The following KIRREL1 variants were observed in gnomAD, a reference collection of about 807,000 sequenced individuals.
KIRREL1 encodes kirre like nephrin family adhesion molecule 1, also known as kin of IRRE-like protein 1.
In KIRREL1, 25 loss-of-function variants were observed where a neutral mutation model predicts 83.3. The ratio of observed to expected loss-of-function variants is 0.30; its 90% CI spans 0.22 to 0.42. The LOEUF (loss-of-function observed/expected upper bound fraction) is 0.42, where lower values mean the gene tolerates loss of function less well. KIRREL1 is among the 10% of genes least tolerant of loss of function. The pLI is 1.00. For synonymous variants in KIRREL1, 388 were observed against 410.4 expected (o/e 0.95, Z 0.66); for missense variants, 812 against 1,032.3 (o/e 0.79, Z 2.92).
At chr1:158,086,088 A>T (rs963203926) in intron 4 of KIRREL1, among the ~76,000 whole-genome samples, 1 of 152,172 alleles carries the variant, frequency 6.6e-6, no homozygotes, top group Admixed American at 6.5e-5. Context: ...TGGCCTTAAT[A>T]ATAATATATT....
At chr1:158,092,343 G>GTTTTTTT (rs1553244395) in intron 11 of KIRREL1, among the ~76,000 whole-genome samples, 3 of 108,350 alleles carry the variant, frequency 2.8e-5, no homozygotes, top group African/African-American at 1.1e-4. Context: ...CATCACTTCA[G>GTTTTTTT]TCTTTTTTTT....
At chr1:158,070,977 A>T (rs7540377) in intron 1 of KIRREL1, among the ~76,000 whole-genome samples, 1 of 151,858 alleles carries the variant, frequency 6.6e-6, no homozygotes, top group Admixed American at 6.6e-5. Context: ...TTTCCTATCC[A>T]GTGAGAAAAA....
chr1:158,044,399 A>G (rs746555580), intron 1 of KIRREL1, among the ~76,000 whole-genome samples: 12 of 152,204 alleles, frequency 7.9e-5, no homozygotes, highest in Admixed American at 2.0e-4. Context: ...GACAAACTGG[A>G]CTTCCCTAAT....
intron 1 of KIRREL1, among the ~76,000 whole-genome samples, chr1:157,998,133 G>A (rs1659256785): frequency 6.6e-6 from 1 of 152,178 alleles, no homozygotes; most frequent in Admixed American, 6.5e-5. Context: ...GCTTCCCAAA[G>A]TGCCGGGATT....
chr1:158,034,087 C>G (rs776251588), intron 1 of KIRREL1, among the ~76,000 whole-genome samples: 9 of 151,690 alleles, frequency 5.9e-5, no homozygotes, highest in Non-Finnish European at 1.2e-4. Context: ...TCTGGACTAA[C>G]ACGGTGTAAC....
chr1:158,058,688 T>A (rs2101602185), intron 1 of KIRREL1, among the ~76,000 whole-genome samples: 1 of 152,142 alleles, frequency 6.6e-6, no homozygotes, highest in South Asian at 2.1e-4. Context: ...CAGAGAGGGA[T>A]TTTCAGTCCC....
chr1:158,086,171 G>A (rs1570993625), intron 4 of KIRREL1, among the ~76,000 whole-genome samples: 1 of 152,284 alleles, frequency 6.6e-6, no homozygotes, highest in East Asian at 1.9e-4. Flanking sequence ...ATGGGGGAAA[G>A]TGTAAGGTCG....
intron 1 of KIRREL1, among the ~76,000 whole-genome samples, chr1:158,014,899 C>T (rs1031019674): frequency 3.3e-5 from 5 of 152,110 alleles, no homozygotes; most frequent in African/African-American, 7.2e-5. Flanking sequence ...CTCCTCCTTC[C>T]GGTGCTTTAC....
At chr1:158,008,859 G>A (rs55871446) in intron 1 of KIRREL1, among the ~76,000 whole-genome samples, 7,405 of 152,160 alleles carry the variant, frequency 0.049, 166 homozygotes, top group Non-Finnish European at 0.058. Context: ...GGTCATGTTC[G>A]TACCACCCAA....
At chr1:158,087,965 T>A in intron 6 of KIRREL1, 41 bp from the exon 7 acceptor site, 1 of 1,613,018 alleles carries the variant, frequency 6.2e-7, no homozygotes, top group Non-Finnish European at 8.5e-7. Flanking sequence ...GTTGAGAGGG[T>A]CTGAGGCCTG....
chr1:158,078,728 C>T (rs956172264), intron 3 of KIRREL1, among the ~76,000 whole-genome samples: 3 of 141,756 alleles, frequency 2.1e-5, no homozygotes, highest in Middle Eastern at 3.5e-3. Flanking sequence ...AGGCTGAAAA[C>T]TGGGGTGAGG....
chr1:158,058,113 T>A (rs987448677), intron 1 of KIRREL1, among the ~76,000 whole-genome samples: 1 of 152,160 alleles, frequency 6.6e-6, no homozygotes, highest in Non-Finnish European at 1.5e-5. Flanking sequence ...TTCAGCTGCG[T>A]CTGTGGCCTG....
In KIRREL1 at chr1:158,093,426, T is replaced by C; in HGVS notation, c.1559T>C (p.Leu520Pro). ...IFFFIALVFF[L>P]YRRRKGSRKD... The stretch of plus-strand genomic sequence containing the variant: ...TTCTTCATCGCCTTGGTATTCTTCC[T>C]CTACCGGCGCCGCAAAGGCAGTGAG... The change falls in exon 12 of 15, where the codon CTC becomes CCC. Residue 520 changes from leucine (L) to proline (P), a missense_variant. Coordinates refer to ENST00000359209, the MANE Select transcript of KIRREL1 (RefSeq NM_018240.7). 3.1e-6 allele frequency: 5 copies of C among 1,614,194 alleles called. No homozygotes were observed. Among genetic ancestry groups the C allele is most frequent in the African/African-American group, 1.3e-5 (1 of 75,058 alleles).
intron 1 of KIRREL1, among the ~76,000 whole-genome samples, chr1:158,032,187 A>T (rs1660347411): frequency 6.6e-6 from 1 of 152,204 alleles, no homozygotes; most frequent in African/African-American, 2.4e-5. Context: ...GGAACTGGGG[A>T]CTGGTGTCCA....
At chr1:158,069,642 C>T (rs1400753743) in intron 1 of KIRREL1, among the ~76,000 whole-genome samples, 2 of 152,012 alleles carry the variant, frequency 1.3e-5, no homozygotes, top group African/African-American at 4.8e-5. Context: ...TGCACAGTGA[C>T]CTGAATCTGA....
chr1:158,009,410 A>G (rs904132755), intron 1 of KIRREL1, among the ~76,000 whole-genome samples: 1 of 152,234 alleles, frequency 6.6e-6, no homozygotes, highest in African/African-American at 2.4e-5. Flanking sequence ...TGGTGACAGT[A>G]TATGCAAAAC....
At chr1:158,066,380 C>T (rs1383491931) in intron 1 of KIRREL1, among the ~76,000 whole-genome samples, 1 of 152,236 alleles carries the variant, frequency 6.6e-6, no homozygotes. Flanking sequence ...CTTTCTTCCT[C>T]ACCTGACCTT....
rs764194616 is a variant in KIRREL1, at chr1:158,093,333, C to T, written c.1472-6C>T. On this transcript the variant is annotated splice_region_variant and splice_polypyrimidine_tract_variant and intron_variant, in intron 11 of 14. Coordinates refer to ENST00000359209, the MANE Select transcript of KIRREL1 (RefSeq NM_018240.7). Reference sequence around the variant, plus strand: ...CACCCCTCCACCTTTCCTTCCCCATCGAAAGAGGTGTTACCTGTGGGCATC... The same window carrying T: ...CACCCCTCCACCTTTCCTTCCCCATTGAAAGAGGTGTTACCTGTGGGCATC... 4.3e-6 allele frequency: 7 copies of T among 1,611,512 alleles called. No individual in the cohort carries two copies. Among genetic ancestry groups the T allele is most frequent in the East Asian group, 4.5e-5 (2 of 44,884 alleles).
In KIRREL1 at chr1:158,089,838, G is replaced by A. The variant is rs1430249161; in HGVS notation, c.1272+20G>A. 2 of 1,604,806 alleles carry A rather than the reference G, an allele frequency of 1.2e-6. No individual in the cohort carries two copies. Among genetic ancestry groups the A allele is most frequent in the African/African-American group, 2.7e-5 (2 of 74,708 alleles). On this transcript the variant is annotated intron_variant, in intron 10 of 14. Coordinates refer to ENST00000359209, the MANE Select transcript of KIRREL1 (RefSeq NM_018240.7). ...CGCATAGTGAGTGGCGGACCTGCCTGCGGACAGCCAGCCCTCCCTGCTTCT... is the reference window on the plus strand; with the variant it reads ...CGCATAGTGAGTGGCGGACCTGCCTACGGACAGCCAGCCCTCCCTGCTTCT...
Sources: gnomAD v4.1 joint callset for allele counts (sites outside exome capture counted in the v4.1 genomes callset) on GRCh38, gnomAD v4.1.1 for gene constraint, MANE v1.5 for transcripts, NCBI Gene and HGNC (gene_info 2026-07-23, HGNC 2026-07-21) for gene names.